The following CHIC2 variants were observed in gnomAD, a reference collection of about 807,000 sequenced individuals.
The protein encoded by CHIC2 is cysteine rich hydrophobic domain 2, also known as cysteine-rich hydrophobic domain-containing protein 2.
CHIC2 carries 14 observed loss-of-function variants against 25.9 expected under a neutral mutation model. The ratio of observed to expected loss-of-function variants is 0.54; its 90% confidence interval spans 0.36 to 0.85. The LOEUF is 0.85. Ranked by LOEUF, CHIC2 falls within the 40% of genes least tolerant of loss-of-function variation. CHIC2 has a pLI of 0.01. For synonymous variants in CHIC2, 70 were observed against 72.0 expected (o/e 0.97, Z 0.14); for missense variants, 146 against 202.0 (o/e 0.72, Z 1.68).
At chr4:54,080,544 T>A in the CHIC2 span, among the ~76,000 whole-genome samples, 1 of 151,778 alleles carries the variant, frequency 6.6e-6, no homozygotes, top group Non-Finnish European at 1.5e-5. Context: ...GGCAGGTGGA[T>A]CATCTGAAAT....
At chr4:54,032,093 T>C (rs1716245126) in intron 3 of CHIC2, among the ~76,000 whole-genome samples, 1 of 152,112 alleles carries the variant, frequency 6.6e-6, no homozygotes, top group African/African-American at 2.4e-5. Flanking sequence ...CAATTTTAAA[T>C]ATAAATAAAA....
rs139781589 is a variant in CHIC2 at position 54,041,233 on chromosome 4, T to A, written c.330+7722A>T. ...TGTGAAGAAAGTAAAAGCACTGAGC[T>A]GCATATCAAGTATGCCTTTGGTCCT... On this transcript the variant is annotated intron_variant, in intron 3 of 5. Transcript: ENST00000263921. 9.9e-4 allele frequency among the ~76,000 whole-genome samples: 150 copies of A among 151,986 alleles called. 1 individual carries two copies. Among genetic ancestry groups the A allele is most frequent in the Admixed American group, 5.4e-3 (82 of 15,234 alleles).
intron 5 of CHIC2, among the ~76,000 whole-genome samples, chr4:54,011,824 AATATAT>A (rs148063886): frequency 6.7e-6 from 1 of 150,164 alleles, no homozygotes; most frequent in Non-Finnish European, 1.5e-5. Context: ...GCCAAGGTGG[AATATAT>A]ATATATATAT....
chr4:54,074,596 A>AC, the CHIC2 span, among the ~76,000 whole-genome samples: 477 of 135,092 alleles, frequency 3.5e-3, 2 homozygotes, highest in African/African-American at 0.013. Context: ...TACAACACAC[A>AC]AACACACACA....
chr4:54,045,111 T>C (rs578135516), intron 3 of CHIC2, among the ~76,000 whole-genome samples: 2 of 152,308 alleles, frequency 1.3e-5, no homozygotes, highest in African/African-American at 4.8e-5. Flanking sequence ...AGAAGTTGAA[T>C]GTCTGAATAG....
At chr4:54,021,413 T>C (rs1013684543) in intron 3 of CHIC2, among the ~76,000 whole-genome samples, 3 of 152,068 alleles carry the variant, frequency 2.0e-5, no homozygotes, top group Non-Finnish European at 4.4e-5. Flanking sequence ...CTTTGAATCC[T>C]CCTTTTCTAC....
chr4:54,048,909 G>T, intron 3 of CHIC2, 46 bp downstream of exon 3: 1 of 1,427,504 alleles, frequency 7.0e-7, no homozygotes. Context: ...TGCAAGACTT[G>T]CTTGTCCACT....
chr4:54,087,788 G>T, the CHIC2 span: 1 of 439,970 alleles, frequency 2.3e-6, no homozygotes, highest in South Asian at 6.6e-5. Context: ...GCCCTGTGCT[G>T]GTCTACAGAC....
intron 3 of CHIC2, among the ~76,000 whole-genome samples, chr4:54,022,542 C>G (rs1315285235): frequency 6.6e-6 from 1 of 152,120 alleles, no homozygotes; most frequent in Non-Finnish European, 1.5e-5. Context: ...TAGTTATCCC[C>G]ACCTGCCCAG....
At chr4:54,071,502 G>A in the CHIC2 span, among the ~76,000 whole-genome samples, 3 of 152,208 alleles carry the variant, frequency 2.0e-5, no homozygotes, top group African/African-American at 7.2e-5. Flanking sequence ...ACTTGGCCAA[G>A]GCCACACAAC....
At chr4:54,088,739 G>T in the CHIC2 span, among the ~76,000 whole-genome samples, 1 of 152,352 alleles carries the variant, frequency 6.6e-6, no homozygotes, top group African/African-American at 2.4e-5. Context: ...AGTATAGGAA[G>T]AATGAACCCA....
upstream of CHIC2, among the ~76,000 whole-genome samples, chr4:54,068,543 C>T (rs576804773): frequency 6.6e-6 from 1 of 152,358 alleles, no homozygotes; most frequent in South Asian, 2.1e-4. Flanking sequence ...TTGATTATAG[C>T]AGCCCAAAGG....
the CHIC2 span, among the ~76,000 whole-genome samples, chr4:54,078,665 A>G: frequency 6.6e-6 from 1 of 151,854 alleles, no homozygotes; most frequent in Non-Finnish European, 1.5e-5. Context: ...ACAGGCATGC[A>G]CTACCACACC....
At chr4:54,029,865 T>G (rs758836071) in intron 3 of CHIC2, among the ~76,000 whole-genome samples, 7 of 152,212 alleles carry the variant, frequency 4.6e-5, no homozygotes, top group Non-Finnish European at 1.0e-4. Context: ...CCAGGTTCAC[T>G]TTCCTTTGAA....
intron 3 of CHIC2, among the ~76,000 whole-genome samples, chr4:54,032,336 C>T (rs979051376): frequency 7.1e-6 from 1 of 141,820 alleles, no homozygotes; most frequent in Admixed American, 7.3e-5. Flanking sequence ...GACTGTACTG[C>T]TGCCATCTCG....
chr4:54,089,591 A>T, the CHIC2 span, among the ~76,000 whole-genome samples: 1 of 152,132 alleles, frequency 6.6e-6, no homozygotes, highest in Non-Finnish European at 1.5e-5. Context: ...TTAATCAGAA[A>T]TTTTGCTCAC....
intron 3 of CHIC2, among the ~76,000 whole-genome samples, chr4:54,041,022 T>G (rs998556956): frequency 1.3e-5 from 2 of 150,056 alleles, no homozygotes; most frequent in African/African-American, 4.9e-5. Flanking sequence ...GTTCAAGCGA[T>G]TCTTCTGCCT....
At chr4:54,022,257 C>T (rs1046109209) in intron 3 of CHIC2, among the ~76,000 whole-genome samples, 2 of 152,210 alleles carry the variant, frequency 1.3e-5, no homozygotes, top group African/African-American at 4.8e-5. Flanking sequence ...CTTCCCAGAT[C>T]TTCTCAGCTT....
At chr4:54,027,552 G>A (rs1224986475) in intron 3 of CHIC2, among the ~76,000 whole-genome samples, 2 of 152,118 alleles carry the variant, frequency 1.3e-5, no homozygotes, top group African/African-American at 4.8e-5. Context: ...CTTTTATGCA[G>A]GACCCCTTTT....
Sources: gnomAD v4.1 joint callset for allele counts (sites outside exome capture counted in the v4.1 genomes callset) on GRCh38, gnomAD v4.1.1 for gene constraint, MANE v1.5 for transcripts, NCBI Gene and HGNC (gene_info 2026-07-23, HGNC 2026-07-21) for gene names.